Variants in HARS1 observed in about 807,000 individuals in gnomAD.
The protein encoded by HARS1 is histidine--tRNA ligase, cytoplasmic.
In HARS1, 45 loss-of-function variants were observed where a neutral mutation model predicts 63.6. The observed-to-expected ratio is 0.71, with a 90% CI of 0.56 to 0.91. The LOEUF is 0.91. HARS1 is among the 40% of genes least tolerant of loss of function. The pLI is 0.00. For missense variants in HARS1, 508 were observed against 643.2 expected (o/e 0.79, Z 2.27); for synonymous variants, 205 against 247.1 (o/e 0.83, Z 1.60).
In HARS1 at chr5:140,673,996, C is replaced by T. The variant is rs1758191638; in HGVS notation, c.*261G>A. 1.7e-6 allele frequency: 1 copy of T among 587,452 alleles called. No homozygotes were observed. The allele number at this position is 587,452 out of a possible 1,614,324, so 36.4% of individuals were successfully genotyped here. On this transcript the variant is annotated 3_prime_UTR_variant, in exon 13 of 13. Coordinates refer to ENST00000504156, the MANE Select transcript of HARS1 (RefSeq NM_002109.6). ...TGCGGGGCCCTGCAGATGGGACCAT[C>T]TCAGGCTGGGTCCTTGTAGCCCAGG...
intron 2 of HARS1, among the ~76,000 whole-genome samples, chr5:140,688,147 G>C (rs1304794754): frequency 1.3e-5 from 2 of 148,654 alleles, no homozygotes; most frequent in African/African-American, 5.0e-5. Flanking sequence ...CAAAACAAAA[G>C]AATTATTATA....
In HARS1 at chr5:140,679,621, G is replaced by A. The variant is rs1326566304; in HGVS notation, c.396+167C>T. On this transcript the variant is annotated intron_variant, in intron 4 of 12. Coordinates refer to ENST00000504156, the MANE Select transcript of HARS1 (RefSeq NM_002109.6). This position sits in a 1 kb window ranked among gnomAD's most constrained non-coding sequence, Gnocchi z 4.3. Reference sequence around the variant, plus strand: ...ACTCAGGATTCAGAAGATTTCTAAGGATGTGTATGCTCTGTTTAGCCAAAG... The same window carrying A: ...ACTCAGGATTCAGAAGATTTCTAAGAATGTGTATGCTCTGTTTAGCCAAAG... The A allele has an allele frequency of 3.9e-5, 21 of 533,958 alleles. No homozygotes were observed. Among genetic ancestry groups the A allele is most frequent in the Non-Finnish European group, 4.7e-5 (14 of 299,098 alleles). 33.1% of individuals were successfully genotyped at this position (533,958 alleles called of 1,614,324 possible).
intron 3 of HARS1, among the ~76,000 whole-genome samples, chr5:140,681,792 C>A (rs1758746867): frequency 6.6e-6 from 1 of 152,198 alleles, no homozygotes. Flanking sequence ...CAACTTCCAG[C>A]CTCTGGAACT....
At chr5:140,691,135 C>A in intron 1 of HARS1, 80 bp downstream of exon 1, 1 of 1,157,196 alleles carries the variant, frequency 8.6e-7, no homozygotes, top group East Asian at 2.4e-5. Flanking sequence ...CCTCACATCT[C>A]TACCCTATGT....
Position 140,676,645 on chromosome 5 carries a change from A to G in HARS1, c.1194+9T>C. ...TCAGACTATCTTCTACCTACCTCCT[A>G]GGACCTACCTCTAGTCTCTGTTCCA... On this transcript the variant is annotated intron_variant, in intron 10 of 12. Transcript: ENST00000504156. This position sits in a 1 kb window ranked among gnomAD's most constrained non-coding sequence, Gnocchi z 4.1. The G allele has an allele frequency of 6.2e-7, 1 of 1,613,682 alleles. No homozygotes were observed. Among genetic ancestry groups the G allele is most frequent in the Non-Finnish European group, 8.5e-7 (1 of 1,179,700 alleles).
In HARS1 at chr5:140,683,133, T is replaced by TA. The variant is rs1562018124; in HGVS notation, c.266_267insT (p.Glu90ArgfsTer4). 6.2e-7 allele frequency: 1 copy of TA among 1,614,164 alleles called. No individual in the cohort carries two copies. Among genetic ancestry groups the TA allele is most frequent in the Admixed American group, 1.7e-5 (1 of 60,030 alleles). Reference sequence around the variant, plus strand: ...CAAATACAGGTGTATCAATGACTTCTGCACCGTGGCGCTTGAAGCAACGGA... The same window carrying TA: ...CAAATACAGGTGTATCAATGACTTCTAGCACCGTGGCGCTTGAAGCAACGGA... On this transcript the variant is annotated frameshift_variant, in exon 3 of 13. Transcript: ENST00000504156. LOFTEE classifies it high-confidence loss of function.
chr5:140,691,191 T>A (rs962693604), intron 1 of HARS1, 24 bp downstream of exon 1: 3 of 1,549,654 alleles, frequency 1.9e-6, no homozygotes, highest in African/African-American at 2.7e-5. Context: ...GCCTTGGCCC[T>A]CTCCCCTGCT....
intron 12 of HARS1, 52 bp downstream of exon 12, chr5:140,674,627 C>T: frequency 6.2e-7 from 1 of 1,605,846 alleles, no homozygotes; most frequent in East Asian, 2.2e-5. Flanking sequence ...CATGGGCCTG[C>T]CAAAATGGCA....
At chr5:140,682,056 G>C (rs1383993351) in intron 3 of HARS1, among the ~76,000 whole-genome samples, 1 of 152,138 alleles carries the variant, frequency 6.6e-6, no homozygotes, top group Non-Finnish European at 1.5e-5. Flanking sequence ...GATTACTTGA[G>C]GAGTGGCATT....
Position 140,691,260 on chromosome 5 carries a change from T to C in HARS1, c.45A>G (p.Gly15=). Reference sequence around the variant, plus strand: ...GCTGCTTGAGGCCTCGCACGCGCTCTCCCTGAAGTTTCACCAGCTCCTCCA... The same window carrying C: ...GCTGCTTGAGGCCTCGCACGCGCTCCCCCTGAAGTTTCACCAGCTCCTCCA... ...AALEELVKLQ[G]ERVRGLKQQK... The change falls in exon 1 of 13, where the codon GGA becomes GGG. Residue 15 remains glycine (G), a synonymous_variant. Coordinates refer to ENST00000504156, the MANE Select transcript of HARS1 (RefSeq NM_002109.6). The C allele has an allele frequency of 1.2e-6, 2 of 1,608,652 alleles. No homozygotes were observed.
chr5:140,690,860 G>T lies in HARS1; in HGVS notation c.175C>A (p.Pro59Thr). The change falls in exon 2 of 13, where the codon CCC becomes ACC. Residue 59 changes from proline to threonine, a missense_variant. By Grantham distance (38) the Pro-to-Thr change is conservative. Transcript: ENST00000504156. The part of the protein sequence containing the change: ...ESKQKFVLKT[P>T]KGTRDYSPRQ... Reference sequence around the variant, plus strand: ...CCCTACAGGAATGATATTACCTTGGGGGTTTTGAGCACAAATTTCTGTTTG... The same window carrying T: ...CCCTACAGGAATGATATTACCTTGGTGGTTTTGAGCACAAATTTCTGTTTG... 6.3e-7 allele frequency: 1 copy of T among 1,575,028 alleles called. No individual in the cohort carries two copies. The highest frequency in any genetic ancestry group is 8.7e-7 in the Non-Finnish European group (1 of 1,144,214).
At position 140,677,747 on chromosome 5, in the gene HARS1, C is replaced by T. The variant is rs759634200; in HGVS notation, c.637G>A (p.Asp213Asn). ...QIGDFLVKVN[D>N]RRILDGMFAI... is the part of the protein sequence containing the mutation. The stretch of plus-strand genomic sequence containing the variant: ...AACATCCCATCTAGAATGCGTCGAT[C>T]GTTTACCTGCAAGGAACCAATGCAT... The change falls in exon 7 of 13, where the codon GAT (aspartate) becomes AAT (asparagine). Residue 213 changes from aspartate to asparagine, a missense_variant. This residue lies in a region of HARS1 where 403 missense variants were observed against 548.7 expected (regional missense o/e 0.73). Coordinates refer to ENST00000504156, the MANE Select transcript of HARS1 (RefSeq NM_002109.6). 18 of 1,607,008 alleles carry T rather than the reference C, an allele frequency of 1.1e-5. No individual in the cohort carries two copies. The Middle Eastern group carries it at 5.0e-4, about 44-fold the overall frequency.
intron 8 of HARS1, 23 bp downstream of exon 8, chr5:140,677,304 G>T (rs760277183): frequency 6.4e-6 from 10 of 1,565,488 alleles, no homozygotes; most frequent in Non-Finnish European, 8.8e-6. Flanking sequence ...CGGCTGCTGG[G>T]GAGGCTTGGT....
rs776405841 is a variant in HARS1, at chr5:140,691,211, T to G, written c.90+4A>C. On this transcript the variant is annotated splice_donor_region_variant and intron_variant, in intron 1 of 12. Transcript: ENST00000504156. ...GGCCCTCTCCCCTGCTGCCTAAATC[T>G]CACCAGCTCGGCGCTGGCCTTCTGC... is the stretch of plus-strand genomic sequence containing the variant. 27 of 1,596,224 alleles carry G rather than the reference T, an allele frequency of 1.7e-5. No homozygotes were observed. The highest frequency in any genetic ancestry group is 2.0e-5 in the Non-Finnish European group (24 of 1,172,474).
rs1758380241 is a variant in HARS1 at position 140,676,689 on chromosome 5, C to T, written c.1159G>A (p.Glu387Lys). Residue 387 changes from glutamate to lysine, a missense_variant, in exon 10 of 13, where the codon GAG (glutamate) becomes AAG (lysine). Around this residue, in one of 2 missense-constraint regions of HARS1, gnomAD observed 403 missense variants for 548.7 expected, o/e 0.73. Transcript: ENST00000504156. This position sits in a 1 kb window ranked among gnomAD's most constrained non-coding sequence, Gnocchi z 4.1. Reference sequence around the variant, plus strand: ...TGTTCCACGATGGAGAAAATCCGCTCCACCCCAATGCTGAGCCCCACACAT... The same window carrying T: ...TGTTCCACGATGGAGAAAATCCGCTTCACCCCAATGCTGAGCCCCACACAT... ...VPCVGLSIGV[E>K]RIFSIVEQRL... 6.2e-7 allele frequency: 1 copy of T among 1,614,218 alleles called. No individual in the cohort carries two copies. The highest frequency in any genetic ancestry group is 8.5e-7 in the Non-Finnish European group (1 of 1,180,026).
intron 2 of HARS1, chr5:140,684,843 A>AT (rs1342572969): frequency 1.3e-5 from 2 of 152,226 alleles, no homozygotes; most frequent in Non-Finnish European, 2.9e-5. Flanking sequence ...GTTAACGCAA[A>AT]TAATATTTTA....
intron 2 of HARS1, chr5:140,684,304 CAA>C (rs1758899830): frequency 2.1e-6 from 2 of 955,242 alleles, no homozygotes; most frequent in African/African-American, 3.6e-5. Context: ...AAAACAAAAA[CAA>C]AAACAAACCC....
intron 3 of HARS1, among the ~76,000 whole-genome samples, chr5:140,681,300 AG>A (rs1284714986): frequency 6.6e-6 from 1 of 152,180 alleles, no homozygotes; most frequent in Non-Finnish European, 1.5e-5. Context: ...GAGGTCTCCA[AG>A]TTGGGCTCTG....
At chr5:140,690,817 G>C (rs1562034176) in intron 2 of HARS1, 38 bp downstream of exon 2, 13 of 1,139,902 alleles carry the variant, frequency 1.1e-5, no homozygotes, top group Non-Finnish European at 1.6e-5. Context: ...AGTAGAGTTA[G>C]AGACTTTCTC....
Sources: gnomAD v4.1 joint callset for allele counts (sites outside exome capture counted in the v4.1 genomes callset) on GRCh38, gnomAD v4.1.1 for gene constraint, gnomAD v4.1.1 regional missense constraint, Gnocchi (gnomAD v3.1) non-coding constraint, MANE v1.5 for transcripts, NCBI Gene and HGNC (gene_info 2026-07-23, HGNC 2026-07-21) for gene names.